Variants in PASD1 observed in about 807,000 individuals in gnomAD.
The protein encoded by PASD1 is PAS domain containing repressor 1, also known as circadian clock protein PASD1.
PASD1 carries 13 observed loss-of-function variants against 58.8 expected under a neutral mutation model. The ratio of observed to expected loss-of-function variants is 0.22; its 90% CI spans 0.14 to 0.35. The LOEUF (loss-of-function observed/expected upper bound fraction) is 0.35. PASD1 is among the 10% of genes least tolerant of loss of function. The pLI, the probability that PASD1 is intolerant of heterozygous loss-of-function variation, is 1.00. For missense variants in PASD1, 734 were observed against 568.3 expected (o/e 1.29, Z -2.96); for synonymous variants, 236 against 216.7 (o/e 1.09, Z -0.78).
chrX:151,575,605 A>T (rs1017544842), intron 1 of PASD1, among the ~76,000 whole-genome samples: 20 of 110,920 alleles, frequency 1.8e-4, no homozygotes, highest in Non-Finnish European at 3.6e-4. Flanking sequence ...TTTGAAACGG[A>T]TCATCAAGTT....
chrX:151,635,527 A>G (rs145124716), intron 8 of PASD1, among the ~76,000 whole-genome samples: 87 of 111,969 alleles, frequency 7.8e-4, no homozygotes, highest in African/African-American at 2.7e-3. Flanking sequence ...TCATTTCTGT[A>G]TTTGCAACAC....
intron 8 of PASD1, among the ~76,000 whole-genome samples, chrX:151,629,400 G>C (rs2013838169): frequency 9.0e-6 from 1 of 111,678 alleles, no homozygotes; most frequent in African/African-American, 3.3e-5. Context: ...TTAAAGGTGT[G>C]ATCCACTGCG....
chrX:151,603,755 T>C (rs955712934), intron 2 of PASD1, among the ~76,000 whole-genome samples: 1 of 111,535 alleles, frequency 9.0e-6, no homozygotes, highest in Non-Finnish European at 1.9e-5. Context: ...TCTAAAGCTC[T>C]CTTTATGCAT....
At chrX:151,574,959 A>T (rs915505192) in intron 1 of PASD1, among the ~76,000 whole-genome samples, 1 of 111,843 alleles carries the variant, frequency 8.9e-6, no homozygotes, top group Admixed American at 9.5e-5. Context: ...GCCATCACGC[A>T]CTTTTGTATC....
chrX:151,586,041 A>G (rs191614723), intron 1 of PASD1, among the ~76,000 whole-genome samples: 31 of 111,615 alleles, frequency 2.8e-4, no homozygotes, highest in Admixed American at 6.7e-4. Flanking sequence ...ACCATGGAAG[A>G]GGAAGCAGAT....
chrX:151,666,282 C>G lies in PASD1; in HGVS notation c.1071+1934C>G, dbSNP rs2014379337. Among the ~76,000 whole-genome samples the G allele has an allele frequency of 3.6e-5, 4 of 110,077 alleles. No homozygotes were observed. In the South Asian group the frequency reaches 1.6e-3, roughly 44 times the overall value. ...GGGCAAATAGCAATTGTTCCCAGGCCCGACTTCCAGCCTTGAAAGATAATT... is the reference window on the plus strand; with the variant it reads ...GGGCAAATAGCAATTGTTCCCAGGCGCGACTTCCAGCCTTGAAAGATAATT... On this transcript the variant is annotated intron_variant, in intron 11 of 15. Coordinates refer to ENST00000370357, the MANE Select transcript of PASD1 (RefSeq NM_173493.3).
intron 1 of PASD1, among the ~76,000 whole-genome samples, chrX:151,589,554 TA>T (rs2013217413): frequency 8.9e-6 from 1 of 112,218 alleles, no homozygotes; most frequent in Non-Finnish European, 1.9e-5. Flanking sequence ...TACATTAACT[TA>T]ATTCTCATAA....
intron 1 of PASD1, among the ~76,000 whole-genome samples, chrX:151,568,617 CTCTT>C (rs763924223): frequency 8.9e-6 from 1 of 111,864 alleles, no homozygotes; most frequent in Non-Finnish European, 1.9e-5. Context: ...TCCAAGATTT[CTCTT>C]TGTTTTTATT....
chrX:151,622,144 A>T (rs977859797), intron 6 of PASD1, among the ~76,000 whole-genome samples: 3 of 111,246 alleles, frequency 2.7e-5, no homozygotes, highest in Non-Finnish European at 5.7e-5. Context: ...AAAATGTGCC[A>T]TTTACAAGAA....
chrX:151,585,150 A>G (rs906274946), intron 1 of PASD1, among the ~76,000 whole-genome samples: 3 of 111,622 alleles, frequency 2.7e-5, no homozygotes. Flanking sequence ...GTAATCCAGG[A>G]AGACTTCTTG....
Position 151,620,945 on chromosome X carries a change from A to C in PASD1, c.223A>C (p.Lys75Gln). The C allele has an allele frequency of 9.1e-6, 11 of 1,207,088 alleles. No individual in the cohort carries two copies. Among genetic ancestry groups the C allele is most frequent in the Non-Finnish European group, 1.2e-5 (11 of 892,777 alleles). Residue 75 changes from lysine to glutamine, a missense_variant, in exon 5 of 16, where the codon AAA becomes CAA. Coordinates refer to ENST00000370357, the MANE Select transcript of PASD1 (RefSeq NM_173493.3). ...CTCCTGCCAGGCTGAGATTGTGGGC[A>C]AAAAATTATTAAGCCTTCTGCCTGA... ...LGHLPAEIVG[K>Q]KLLSLLPDEE...
At chrX:151,663,743 G>A (rs983282721) in intron 10 of PASD1, among the ~76,000 whole-genome samples, 7 of 112,026 alleles carry the variant, frequency 6.2e-5, no homozygotes, top group Non-Finnish European at 1.1e-4. Flanking sequence ...GCACTCCCGA[G>A]GTCCCACATT....
intron 8 of PASD1, among the ~76,000 whole-genome samples, chrX:151,633,121 CT>C (rs960030563): frequency 1.8e-5 from 2 of 109,965 alleles, no homozygotes; most frequent in African/African-American, 3.3e-5. Context: ...TAAGGTAGTT[CT>C]TTTTTTTTCT....
At chrX:151,564,542 T>G (rs1273260143) in intron 1 of PASD1, among the ~76,000 whole-genome samples, 1 of 110,520 alleles carries the variant, frequency 9.0e-6, no homozygotes. Context: ...TTAGAAAATG[T>G]GTTTTTTCAA....
At chrX:151,664,042 AC>A in intron 10 of PASD1, 76 bp from the exon 11 acceptor site, 3 of 1,164,156 alleles carry the variant, frequency 2.6e-6, no homozygotes, top group Non-Finnish European at 3.5e-6. Context: ...GGCTAAAATG[AC>A]CCTCGTACAG....
At position 151,604,727 on chromosome X, in the gene PASD1, C is replaced by T. The variant is rs375505833; in HGVS notation, c.110C>T (p.Thr37Met). The T allele has an allele frequency of 6.6e-5, 79 of 1,196,484 alleles. No homozygotes were observed. Among genetic ancestry groups the T allele is most frequent in the Admixed American group, 3.3e-4 (15 of 45,639 alleles). Reference protein sequence around the residue: ...FPTYDYFNQVTLQLLDGFMIT... With the variant: ...FPTYDYFNQVMLQLLDGFMIT... ...ACCTATGATTACTTCAACCAAGTGA[C>T]GCTACAGGTAAGAGGGCTTTTGTTC... The change falls in exon 3 of 16, where the codon ACG (threonine) becomes ATG (methionine). Residue 37 changes from threonine to methionine, a missense_variant. Physicochemically the swap from Thr to Met is moderately conservative, Grantham distance 81. Transcript: ENST00000370357.
At chrX:151,663,501 C>T (rs1187937453) in intron 10 of PASD1, among the ~76,000 whole-genome samples, 3 of 112,347 alleles carry the variant, frequency 2.7e-5, no homozygotes, top group Admixed American at 9.4e-5. Context: ...ATGAATAAAG[C>T]TACATTAAAC....
At chrX:151,615,755 G>A (rs1038377848) in intron 4 of PASD1, among the ~76,000 whole-genome samples, 4 of 112,344 alleles carry the variant, frequency 3.6e-5, no homozygotes, top group African/African-American at 1.3e-4. Context: ...AAAGAACTTG[G>A]TCTTCGGAAT....
chrX:151,641,874 C>T (rs1156690384), intron 8 of PASD1, among the ~76,000 whole-genome samples: 2 of 111,819 alleles, frequency 1.8e-5, no homozygotes, highest in Non-Finnish European at 3.8e-5. Flanking sequence ...TTTTCCTTCC[C>T]CATCCTTTTA....
Sources: allele counts gnomAD v4.1 joint callset (sites outside exome capture counted in the v4.1 genomes callset), GRCh38; gene constraint gnomAD v4.1.1; transcripts MANE v1.5; gene names NCBI Gene and HGNC (gene_info 2026-07-23, HGNC 2026-07-21).